RABGAP1L: variants seen among roughly 807,000 people sequenced by gnomAD.
RABGAP1L encodes the protein rab GTPase-activating protein 1-like.
Under a neutral mutation model 137.7 loss-of-function variants are expected in RABGAP1L, and 63 were observed. The ratio of observed to expected loss-of-function variants is 0.46; its 90% CI spans 0.37 to 0.56. The LOEUF is 0.56. Among genes scored for constraint, RABGAP1L ranks in the 20% least tolerant of loss-of-function variants. The pLI, the probability that RABGAP1L is intolerant of heterozygous loss-of-function variation, is 0.00. For synonymous variants in RABGAP1L, 431 were observed against 433.7 expected (o/e 0.99, Z 0.08); for missense variants, 1,095 against 1,244.0 (o/e 0.88, Z 1.80).
At chr1:174,638,733 G>T (rs1435588893) in intron 14 of RABGAP1L, among the ~76,000 whole-genome samples, 1 of 145,454 alleles carries the variant, frequency 6.9e-6, no homozygotes, top group Non-Finnish European at 1.5e-5. Flanking sequence ...CATGTCCTTT[G>T]TAGGGACATG....
At chr1:174,970,014 G>A (rs942722137) in intron 21 of RABGAP1L, among the ~76,000 whole-genome samples, 1 of 152,216 alleles carries the variant, frequency 6.6e-6, no homozygotes, top group African/African-American at 2.4e-5. Flanking sequence ...AGCTGAGAGA[G>A]CTGGCACTAA....
intron 19 of RABGAP1L, among the ~76,000 whole-genome samples, chr1:174,823,398 A>G (rs1422126539): frequency 1.3e-5 from 2 of 152,194 alleles, no homozygotes; most frequent in African/African-American, 4.8e-5. Context: ...GTGATTCTAC[A>G]TTTCTTTGAA....
chr1:174,677,472 A>C (rs774937846), intron 14 of RABGAP1L, among the ~76,000 whole-genome samples: 11 of 152,240 alleles, frequency 7.2e-5, no homozygotes, highest in Non-Finnish European at 1.2e-4. Flanking sequence ...CATCTGAAGA[A>C]AGAGACCTAA....
At chr1:174,305,736 T>C (rs923872576) in intron 11 of RABGAP1L, among the ~76,000 whole-genome samples, 6 of 151,800 alleles carry the variant, frequency 4.0e-5, no homozygotes, top group Non-Finnish European at 7.4e-5. Context: ...TTTTTTTCTA[T>C]TTTATTTTTT....
chr1:174,170,850 A>T (rs1439179860), intron 1 of RABGAP1L, among the ~76,000 whole-genome samples: 1 of 152,032 alleles, frequency 6.6e-6, no homozygotes, highest in East Asian at 1.9e-4. Context: ...TAAGATGTAC[A>T]AAAGAACACA....
At chr1:174,825,893 A>G (rs555625995) in intron 19 of RABGAP1L, among the ~76,000 whole-genome samples, 1 of 152,218 alleles carries the variant, frequency 6.6e-6, no homozygotes, top group East Asian at 1.9e-4. Context: ...TCTGTCTCAA[A>G]ACAAACAAAC....
chr1:174,215,413 C>T (rs113795832), intron 1 of RABGAP1L, among the ~76,000 whole-genome samples: 13 of 149,972 alleles, frequency 8.7e-5, no homozygotes, highest in East Asian at 2.0e-4. Context: ...GCCAATGTTG[C>T]GCCATTATAT....
At chr1:174,172,124 T>C in intron 1 of RABGAP1L, among the ~76,000 whole-genome samples, 1 of 151,856 alleles carries the variant, frequency 6.6e-6, no homozygotes, top group Non-Finnish European at 1.5e-5. Context: ...ATCTATGTTG[T>C]TTCAAATGAC....
rs1232596038 is a variant in RABGAP1L, at chr1:174,176,713, G to GGAAAAAA, written c.-34+17056_-34+17057insGAAAAAA. 1.6e-3 allele frequency among the ~76,000 whole-genome samples: 35 copies of GGAAAAAA among 21,542 alleles called. 2 individuals carry two copies. Among genetic ancestry groups the GGAAAAAA allele is most frequent in the African/African-American group, 3.5e-3 (24 of 6,928 alleles). 14.1% of individuals were successfully genotyped at this position (21,542 alleles called of 152,430 possible). A position where few individuals can be genotyped will look rare whatever the true frequency, so the allele number is the denominator to read the frequency against. ...GACAACAGAGGGAGACCCTTTTTCA[G>GGAAAAAA]AAAAAAAAAAAAAAAAAAAAAAAAA... On this transcript the variant is annotated intron_variant, in intron 1 of 25. Transcript: ENST00000681986.
chr1:174,583,245 A>G (rs1668871751), intron 13 of RABGAP1L, among the ~76,000 whole-genome samples: 1 of 152,130 alleles, frequency 6.6e-6, no homozygotes. Flanking sequence ...TTATATCCTT[A>G]TTCTATGTCC....
intron 17 of RABGAP1L, among the ~76,000 whole-genome samples, chr1:174,723,731 A>AT (rs1031784274): frequency 5.9e-5 from 9 of 152,222 alleles, no homozygotes; most frequent in Middle Eastern, 3.4e-3. Context: ...TAGTACAAAT[A>AT]TTTTTTTCAC....
intron 13 of RABGAP1L, among the ~76,000 whole-genome samples, chr1:174,469,224 A>G (rs1657632832): frequency 6.6e-6 from 1 of 152,200 alleles, no homozygotes; most frequent in African/African-American, 2.4e-5. Flanking sequence ...TTGTGCTTAT[A>G]TATAATTGTA....
chr1:174,951,174 C>T (rs1487590886), intron 19 of RABGAP1L, among the ~76,000 whole-genome samples: 3 of 152,172 alleles, frequency 2.0e-5, no homozygotes, highest in Non-Finnish European at 2.9e-5. Flanking sequence ...TCTGTTATTG[C>T]GCTTATGAAA....
intron 18 of RABGAP1L, among the ~76,000 whole-genome samples, chr1:174,782,929 G>C (rs2148769742): frequency 6.6e-6 from 1 of 152,310 alleles, no homozygotes; most frequent in Non-Finnish European, 1.5e-5. Context: ...TAAACCCCAG[G>C]CATTCCGGAG....
At chr1:174,525,639 T>C (rs868217849) in intron 13 of RABGAP1L, among the ~76,000 whole-genome samples, 2 of 152,182 alleles carry the variant, frequency 1.3e-5, no homozygotes, top group African/African-American at 2.4e-5. Flanking sequence ...TATTTATCTC[T>C]TGACTGATTG....
chr1:174,658,097 G>A (rs1676097178), intron 14 of RABGAP1L, among the ~76,000 whole-genome samples: 1 of 152,160 alleles, frequency 6.6e-6, no homozygotes, highest in South Asian at 2.1e-4. Flanking sequence ...GAGCTGGAGG[G>A]TGGGAGATGG....
chr1:174,263,624 T>G (rs2148636880), intron 7 of RABGAP1L, among the ~76,000 whole-genome samples: 1 of 152,328 alleles, frequency 6.6e-6, no homozygotes, highest in Non-Finnish European at 1.5e-5. Flanking sequence ...CAACTATTAT[T>G]TCTACCGTAT....
intron 12 of RABGAP1L, among the ~76,000 whole-genome samples, chr1:174,378,035 G>T (rs1391723162): frequency 1.1e-4 from 15 of 141,764 alleles, no homozygotes; most frequent in African/African-American, 4.2e-4. Flanking sequence ...AATATGCGGT[G>T]TTTGGTTTTT....
At chr1:174,985,192 C>T (rs1246070011) in intron 24 of RABGAP1L, among the ~76,000 whole-genome samples, 2 of 152,142 alleles carry the variant, frequency 1.3e-5, no homozygotes, top group East Asian at 1.9e-4. Context: ...CTTGGTGAAA[C>T]TCCTGGACTG....
Sources: allele counts gnomAD v4.1 joint callset (sites outside exome capture counted in the v4.1 genomes callset), GRCh38; gene constraint gnomAD v4.1.1; transcripts MANE v1.5; gene names NCBI Gene and HGNC (gene_info 2026-07-23, HGNC 2026-07-21).